Variants in STPG2 observed in about 807,000 individuals in gnomAD.
STPG2 encodes sperm tail PG-rich repeat containing 2.
STPG2 carries 56 observed loss-of-function variants against 54.2 expected under a neutral mutation model. That is an observed-to-expected ratio of 1.03 (90% CI 0.83 to 1.29). The LOEUF is 1.29. Ranked by LOEUF, STPG2 falls within the 50% of genes most tolerant of loss-of-function variation. The probability of loss-of-function intolerance (pLI) is 0.00; values close to 1 mark genes in which losing one functional copy is unlikely to be tolerated. For missense variants in STPG2, 596 were observed against 544.9 expected, an observed-to-expected ratio of 1.09 and a Z score of -0.93; for synonymous variants, 200 against 181.8, an observed-to-expected ratio of 1.10 and a Z score of -0.81.
intron 7 of STPG2, among the ~76,000 whole-genome samples, chr4:97,948,038 C>T (rs1733306254): frequency 6.6e-6 from 1 of 151,698 alleles, no homozygotes; most frequent in South Asian, 2.1e-4. Flanking sequence ...TGATCCTGGG[C>T]TTTTTTCTTT....
At chr4:97,573,573 A>T (rs1461353697) in intron 10 of STPG2, among the ~76,000 whole-genome samples, 1 of 152,014 alleles carries the variant, frequency 6.6e-6, no homozygotes, top group Non-Finnish European at 1.5e-5. Flanking sequence ...GGAAATATAA[A>T]CAAATTTTAA....
At chr4:97,682,378 A>G (rs981662218) in intron 10 of STPG2, among the ~76,000 whole-genome samples, 1 of 151,796 alleles carries the variant, frequency 6.6e-6, no homozygotes. Context: ...CCTAAAAATA[A>G]TTACAAAAAT....
At chr4:97,838,499 A>G in intron 9 of STPG2, among the ~76,000 whole-genome samples, 1 of 151,318 alleles carries the variant, frequency 6.6e-6, no homozygotes, top group East Asian at 1.9e-4. Flanking sequence ...AATATTAAAA[A>G]GAATAGACAA....
At chr4:97,631,370 AT>A (rs1227368386) in intron 10 of STPG2, among the ~76,000 whole-genome samples, 7 of 152,058 alleles carry the variant, frequency 4.6e-5, no homozygotes, top group Non-Finnish European at 7.4e-5. Flanking sequence ...GACTTGGACA[AT>A]GCTTACAAGA....
intron 4 of STPG2, among the ~76,000 whole-genome samples, chr4:97,511,389 A>T (rs1310639992): frequency 6.6e-6 from 1 of 152,070 alleles, no homozygotes; most frequent in Non-Finnish European, 1.5e-5. Context: ...GGATACAATA[A>T]TAATTTCAAT....
chr4:97,965,325 C>T (rs1734055104), intron 7 of STPG2, among the ~76,000 whole-genome samples: 1 of 152,196 alleles, frequency 6.6e-6, no homozygotes. Context: ...AGTAGGTAAA[C>T]AAAGCAGCTG....
At chr4:98,083,282 A>T (rs1303273897) in intron 5 of STPG2, among the ~76,000 whole-genome samples, 1 of 152,202 alleles carries the variant, frequency 6.6e-6, no homozygotes, top group Non-Finnish European at 1.5e-5. Context: ...TGATGAAAAG[A>T]TAACTTTGGA....
intron 9 of STPG2, among the ~76,000 whole-genome samples, chr4:97,774,916 C>T (rs1412850997): frequency 6.6e-6 from 1 of 152,232 alleles, no homozygotes; most frequent in African/African-American, 2.4e-5. Flanking sequence ...TGCCAGCTGT[C>T]TGTCTCCACT....
intron 8 of STPG2, among the ~76,000 whole-genome samples, chr4:97,924,197 C>A (rs1254840002): frequency 6.6e-6 from 1 of 152,190 alleles, no homozygotes; most frequent in Non-Finnish European, 1.5e-5. Context: ...TCAGAAGGAA[C>A]AAACTCCGGA....
intron 9 of STPG2, among the ~76,000 whole-genome samples, chr4:97,785,398 C>T (rs1400185526): frequency 1.3e-5 from 2 of 152,032 alleles, no homozygotes; most frequent in African/African-American, 4.8e-5. Flanking sequence ...TGTCGTACCA[C>T]TTACTTTTAC....
intron 9 of STPG2, among the ~76,000 whole-genome samples, chr4:97,755,145 T>A (rs776529382): frequency 6.6e-6 from 1 of 152,204 alleles, no homozygotes; most frequent in Admixed American, 6.5e-5. Flanking sequence ...TTTATCGGCT[T>A]CATTTCTCTA....
intron 9 of STPG2, among the ~76,000 whole-genome samples, chr4:97,724,018 T>G (rs1350398009): frequency 6.6e-6 from 1 of 152,200 alleles, no homozygotes; most frequent in African/African-American, 2.4e-5. Flanking sequence ...TAAATAATTT[T>G]TGTTTACCTA....
At chr4:98,012,200 A>G (rs1735777512) in intron 5 of STPG2, among the ~76,000 whole-genome samples, 1 of 152,196 alleles carries the variant, frequency 6.6e-6, no homozygotes, top group African/African-American at 2.4e-5. Context: ...CACTTATTAA[A>G]TAGGGAATCC....
At chr4:97,838,482 A>G (rs910507929) in intron 9 of STPG2, among the ~76,000 whole-genome samples, 5 of 151,070 alleles carry the variant, frequency 3.3e-5, no homozygotes, top group African/African-American at 7.3e-5. Flanking sequence ...ATTAATATGT[A>G]TATATTAATA....
At chr4:97,558,526 T>C (rs963453101), downstream of STPG2, among the ~76,000 whole-genome samples, 1 of 152,210 alleles carries the variant, frequency 6.6e-6, no homozygotes, top group Admixed American at 6.5e-5. Flanking sequence ...GCCAGCTGCC[T>C]TATTGTATGC....
chr4:97,988,924 A>T (rs1396947749), intron 5 of STPG2, among the ~76,000 whole-genome samples: 1 of 152,242 alleles, frequency 6.6e-6, no homozygotes, highest in Non-Finnish European at 1.5e-5. Flanking sequence ...AGCCATTTCT[A>T]ATTATGATAA....
rs557242698 is a variant in STPG2, at chr4:97,683,615, TC to T, written c.1320+29083del. On this transcript the variant is annotated intron_variant, in intron 10 of 10. Coordinates refer to ENST00000295268, the MANE Select transcript of STPG2 (RefSeq NM_174952.3). ...TGAAAACTAGGAATAAATGGGAAGC[TC>T]CTCAACTTGAAAAATAACATCTACA... Among the ~76,000 whole-genome samples the T allele has an allele frequency of 1.4e-3, 210 of 151,842 alleles. 1 individual carries two copies. The highest frequency in any genetic ancestry group is 4.9e-3 in the African/African-American group (203 of 41,520).
At chr4:97,877,057 C>T (rs563005040) in intron 8 of STPG2, among the ~76,000 whole-genome samples, 21 of 152,218 alleles carry the variant, frequency 1.4e-4, no homozygotes, top group African/African-American at 5.1e-4. Flanking sequence ...AACTAATTAA[C>T]AAATCCATCA....
Position 97,639,002 on chromosome 4 carries a change from C to T in STPG2, c.1320+73697G>A, listed in dbSNP as rs913042583. ...CGGCCATCCCATTACTGGGTATATA[C>T]CCAAAGGACTATAAATCATGCTGCT... On this transcript the variant is annotated intron_variant, in intron 10 of 10. Transcript: ENST00000295268. 2.8e-3 allele frequency among the ~76,000 whole-genome samples: 424 copies of T among 151,844 alleles called. 3 individuals carry two copies. The highest frequency in any genetic ancestry group is 9.5e-3 in the African/African-American group (391 of 41,292).
Sources: gnomAD v4.1 joint callset for allele counts (sites outside exome capture counted in the v4.1 genomes callset) on GRCh38, gnomAD v4.1.1 for gene constraint, MANE v1.5 for transcripts, NCBI Gene and HGNC (gene_info 2026-07-23, HGNC 2026-07-21) for gene names.